Variants in TAF1B observed in about 807,000 individuals in gnomAD.
TAF1B encodes the protein TATA-box binding protein associated factor, RNA polymerase I subunit B.
In TAF1B, 61 loss-of-function variants were observed where a neutral mutation model predicts 83.9. The ratio of observed to expected loss-of-function variants is 0.73; its 90% CI spans 0.59 to 0.90. The LOEUF is 0.90. TAF1B is among the 40% of genes least tolerant of loss of function. TAF1B has a pLI of 0.00. For synonymous variants in TAF1B, 221 were observed against 224.6 expected, an observed-to-expected ratio of 0.98 and a Z score of 0.14; for missense variants, 625 against 677.0, an observed-to-expected ratio of 0.92 and a Z score of 0.85.
At chr2:9,906,362 G>A (rs1200358474) in intron 9 of TAF1B, among the ~76,000 whole-genome samples, 1 of 152,118 alleles carries the variant, frequency 6.6e-6, no homozygotes, top group East Asian at 1.9e-4. Context: ...ATTGTCATTT[G>A]ATATTTATTA....
At chr2:9,890,920 G>A (rs1330898548) in intron 8 of TAF1B, among the ~76,000 whole-genome samples, 6 of 152,168 alleles carry the variant, frequency 3.9e-5, no homozygotes, top group African/African-American at 9.6e-5. Context: ...ACAGGCATGC[G>A]CCACCAATCC....
At chr2:9,853,971 T>G (rs1169339997) in intron 4 of TAF1B, among the ~76,000 whole-genome samples, 1 of 152,186 alleles carries the variant, frequency 6.6e-6, no homozygotes, top group Non-Finnish European at 1.5e-5. Flanking sequence ...GCATTTCTCA[T>G]GTACCTGACA....
At chr2:9,845,388 C>T (rs1663172611) in intron 2 of TAF1B, 70 bp downstream of exon 2, 1 of 1,279,354 alleles carries the variant, frequency 7.8e-7, no homozygotes, top group South Asian at 1.2e-5. Context: ...GATATGTAGT[C>T]TAAGTCCCAA....
At position 9,884,182 on chromosome 2, in the gene TAF1B, C is replaced by T. The variant is rs114531383; in HGVS notation, c.807+1377C>T. 7.0e-3 allele frequency among the ~76,000 whole-genome samples: 1,065 copies of T among 152,308 alleles called. 18 individuals are homozygous for T. Among genetic ancestry groups the T allele is most frequent in the African/African-American group, 0.023 (973 of 41,548 alleles). ...CGCGAGGCTGCGACCGGACCAGTCG[C>T]GCTGCAAGCAGTTTCCGCAGCTGGC... On this transcript the variant is annotated intron_variant, in intron 8 of 14. Transcript: ENST00000263663.
intron 4 of TAF1B, chr2:9,851,926 A>G (rs977228031): frequency 1.8e-6 from 1 of 551,674 alleles, no homozygotes; most frequent in Non-Finnish European, 3.6e-6. Context: ...TTGGGGGTTT[A>G]TTAGTACCTT....
intron 7 of TAF1B, among the ~76,000 whole-genome samples, chr2:9,877,572 G>A (rs1664358428): frequency 6.6e-6 from 1 of 152,064 alleles, no homozygotes; most frequent in African/African-American, 2.4e-5. Context: ...TGAGCTCTGT[G>A]TCTGTAATCT....
At chr2:9,872,312 C>T (rs942634631) in intron 6 of TAF1B, among the ~76,000 whole-genome samples, 7 of 142,968 alleles carry the variant, frequency 4.9e-5, no homozygotes, top group African/African-American at 1.6e-4. Context: ...GGCAACAGAG[C>T]GAGATTCCAT....
At chr2:9,879,062 A>G (rs1664411599) in intron 7 of TAF1B, among the ~76,000 whole-genome samples, 1 of 152,212 alleles carries the variant, frequency 6.6e-6, no homozygotes, top group South Asian at 2.1e-4. Context: ...ACCACAGAAG[A>G]TATGTTCCAA....
intron 2 of TAF1B, among the ~76,000 whole-genome samples, chr2:9,848,628 T>C (rs1372090303): frequency 6.6e-5 from 10 of 151,252 alleles, no homozygotes; most frequent in Non-Finnish European, 1.5e-5. Context: ...ATCGCACCAT[T>C]GCACTCCAGC....
In TAF1B at chr2:9,899,242, C is replaced by A. The variant is rs551439788; in HGVS notation, c.808-5617C>A. 2.0e-5 allele frequency among the ~76,000 whole-genome samples: 3 copies of A among 152,222 alleles called. No individual in the cohort carries two copies. In the South Asian group the frequency reaches 6.2e-4, roughly 32 times the overall value. ...ATTTGACTTCTTTAGGTATCTCATA[C>A]GTGTGGAATCATACAACATTTGACT... On this transcript the variant is annotated intron_variant, in intron 8 of 14. Transcript: ENST00000263663.
chr2:9,921,498 C>G (rs1041651699), intron 14 of TAF1B, among the ~76,000 whole-genome samples: 1 of 152,150 alleles, frequency 6.6e-6, no homozygotes, highest in Non-Finnish European at 1.5e-5. Flanking sequence ...AAAATCAACT[C>G]CAAAAGTATT....
intron 14 of TAF1B, among the ~76,000 whole-genome samples, chr2:9,933,174 C>T (rs1666269420): frequency 6.6e-6 from 1 of 152,222 alleles, no homozygotes; most frequent in African/African-American, 2.4e-5. Flanking sequence ...ACCCACTGTG[C>T]AGCCAGTCCC....
chr2:9,888,843 G>A (rs564358012), intron 8 of TAF1B, among the ~76,000 whole-genome samples: 6 of 123,472 alleles, frequency 4.9e-5, no homozygotes, highest in Admixed American at 9.7e-5. Context: ...TGCTCTTGTC[G>A]CCCAGGCTGG....
chr2:9,882,660 A>G (rs768557258), intron 7 of TAF1B, 46 bp from the exon 8 acceptor site: 6 of 1,302,046 alleles, frequency 4.6e-6, no homozygotes, highest in African/African-American at 1.5e-5. Flanking sequence ...ACTCTGCTAT[A>G]TCAGTATATA....
At chr2:9,926,238 A>G (rs1026006177) in intron 14 of TAF1B, among the ~76,000 whole-genome samples, 1 of 152,156 alleles carries the variant, frequency 6.6e-6, no homozygotes, top group Non-Finnish European at 1.5e-5. Context: ...ATATTCTCCA[A>G]TATGCAGTCA....
intron 8 of TAF1B, among the ~76,000 whole-genome samples, chr2:9,888,798 T>TTTTTG (rs1558251721): frequency 1.7e-4 from 22 of 132,594 alleles, no homozygotes; most frequent in Admixed American, 3.1e-4. Flanking sequence ...TGGTTTTTTT[T>TTTTTG]TTTTTTTTTT....
At position 9,891,638 on chromosome 2, in the gene TAF1B, A is replaced by G. The variant is rs1347087047; in HGVS notation, c.807+8833A>G. On this transcript the variant is annotated intron_variant, in intron 8 of 14. Coordinates refer to ENST00000263663, the MANE Select transcript of TAF1B (RefSeq NM_005680.3). ...CGTAGGAGATATTCCAGAAGAAGGC[A>G]TTGTTACCACAGAAGATGACAGCTC... Among the ~76,000 whole-genome samples the G allele has an allele frequency of 2.6e-5, 4 of 152,238 alleles. 1 individual carries two copies.
intron 6 of TAF1B, among the ~76,000 whole-genome samples, chr2:9,870,662 C>T (rs1449310975): frequency 1.3e-5 from 2 of 152,106 alleles, no homozygotes; most frequent in South Asian, 2.1e-4. Context: ...TCACACATTC[C>T]TCACTGTCCC....
chr2:9,905,144 C>A (rs1665303978), intron 9 of TAF1B, 138 bp downstream of exon 9: 3 of 675,248 alleles, frequency 4.4e-6, no homozygotes, highest in Admixed American at 6.0e-5. Flanking sequence ...TGTCAAAATC[C>A]TTTCTTAAAA....
Sources: allele counts gnomAD v4.1 joint callset (sites outside exome capture counted in the v4.1 genomes callset), GRCh38; gene constraint gnomAD v4.1.1; transcripts MANE v1.5; gene names NCBI Gene and HGNC (gene_info 2026-07-23, HGNC 2026-07-21).